The following TJP3 variants were observed in gnomAD, a reference collection of about 807,000 sequenced individuals.
TJP3 encodes tight junction protein 3, also known as tight junction protein ZO-3.
TJP3 carries 85 observed loss-of-function variants against 104.2 expected under a neutral mutation model. The observed-to-expected ratio is 0.82, with a 90% CI of 0.68 to 0.98. The LOEUF is 0.98. Ranked by LOEUF, TJP3 falls within the 50% of genes least tolerant of loss-of-function variation. TJP3 has a pLI of 0.00. For missense variants in TJP3, 1,367 were observed against 1,322.8 expected (o/e 1.03, Z -0.52); for synonymous variants, 550 against 550.6 (o/e 1.00, Z 0.02).
chr19:3,744,910 AGAGG>A (rs1176733376), intron 15 of TJP3, among the ~76,000 whole-genome samples: 2 of 152,072 alleles, frequency 1.3e-5, no homozygotes, highest in African/African-American at 4.8e-5. Context: ...CCTGGGTGAC[AGAGG>A]GAGACCCTGT....
chr19:3,731,987 G>A lies in TJP3; in HGVS notation c.666G>A (p.Ser222=), dbSNP rs1879040. Residue 222 remains serine (S), a synonymous_variant, in exon 6 of 21, where the codon TCG becomes TCA. Transcript: ENST00000541714. ...SQIFIKHITD[S]GLAARHRGLQ... ...TCTTCATCAAGCACATTACAGATTCGGGCCTGGCTGCCCGGCACCGTGGGC... is the reference window on the plus strand; with the variant it reads ...TCTTCATCAAGCACATTACAGATTCAGGCCTGGCTGCCCGGCACCGTGGGC... 0.34 allele frequency: 554,263 copies of A among 1,612,050 alleles called. 96,602 individuals are homozygous for A. The highest frequency in any genetic ancestry group is 0.4 in the South Asian group (36,199 of 90,842).
rs1043019616 is a variant in TJP3 at position 3,728,795 on chromosome 19, G to A, written c.158+82G>A. On this transcript the variant is annotated intron_variant, in intron 3 of 20. Transcript: ENST00000541714. ...AGGCCAGGCACAGTGACTCACACCC[G>A]TCATCCCAGCACTTTGCGAGGCTGA... 37 of 1,453,986 alleles carry A rather than the reference G, an allele frequency of 2.5e-5. No homozygotes were observed. In the Admixed American group the frequency reaches 2.9e-4, roughly 11 times the overall value. 90.1% of individuals were successfully genotyped at this position (1,453,986 alleles called of 1,614,324 possible). A position where few individuals can be genotyped will look rare whatever the true frequency, so the allele number is the denominator to read the frequency against.
Position 3,730,243 on chromosome 19 carries a change from G to A in TJP3, c.262-112G>A. 6.7e-7 allele frequency: 1 copy of A among 1,491,576 alleles called. No homozygotes were observed. Among genetic ancestry groups the A allele is most frequent in the Non-Finnish European group, 9.2e-7 (1 of 1,086,362 alleles). 92.4% of individuals were successfully genotyped at this position (1,491,576 alleles called of 1,614,324 possible). A position where few individuals can be genotyped will look rare whatever the true frequency, so the allele number is the denominator to read the frequency against. On this transcript the variant is annotated intron_variant, in intron 4 of 20. Transcript: ENST00000541714. The surrounding 1 kb of genome is among the most constrained non-coding windows in gnomAD (Gnocchi z 7.3). ...GAGTCATCTTCTCATCTTACAGTTT[G>A]GACATTGAGGCCCAGAGAGAGACTG...
Position 3,746,669 on chromosome 19 carries a change from G to A in TJP3, c.2195G>A (p.Arg732Gln), listed in dbSNP as rs746198935. Reference sequence around the variant, plus strand: ...CTCTACGCACAAGCCCAGAAGCTGCGAAAACACAGCAGCCACCTCTTCACA... The same window carrying A: ...CTCTACGCACAAGCCCAGAAGCTGCAAAAACACAGCAGCCACCTCTTCACA... Reference protein sequence around the residue: ...RRLYAQAQKLRKHSSHLFTAT... With the variant: ...RRLYAQAQKLQKHSSHLFTAT... The change falls in exon 17 of 21, where the codon CGA (arginine) becomes CAA (glutamine). Residue 732 changes from arginine (R) to glutamine (Q), a missense_variant. Transcript: ENST00000541714. This position sits in a 1 kb window ranked among gnomAD's most constrained non-coding sequence, Gnocchi z 4.1. The A allele has an allele frequency of 1.7e-4, 272 of 1,612,742 alleles. No individual in the cohort carries two copies. The highest frequency in any genetic ancestry group is 2.1e-4 in the Non-Finnish European group (250 of 1,179,590).
chr19:3,746,714 C>T lies in TJP3; in HGVS notation c.2221+19C>T. ...TTCACAGGTTGGGGGGTGGGTGTCC[C>T]AGGGTAGGCGGGTGGGCCCCAGCCT... On this transcript the variant is annotated intron_variant, in intron 17 of 20. Transcript: ENST00000541714. The surrounding 1 kb of genome is among the most constrained non-coding windows in gnomAD (Gnocchi z 4.1). 1 of 1,604,316 alleles carries T rather than the reference C, an allele frequency of 6.2e-7. No homozygotes were observed. The highest frequency in any genetic ancestry group is 8.5e-7 in the Non-Finnish European group (1 of 1,175,494).
Position 3,746,064 on chromosome 19 carries a change from C to T in TJP3, c.1993C>T (p.Arg665Trp), listed in dbSNP as rs781231267. ...PSKIIKLDTV[R>W]VIAEKDKHAL... ...CAAGATCATCAAACTAGACACCGTGCGGGTGATTGCAGAAAAAGTAAGCCG... is the reference window on the plus strand; with the variant it reads ...CAAGATCATCAAACTAGACACCGTGTGGGTGATTGCAGAAAAAGTAAGCCG... The change falls in exon 16 of 21, where the codon CGG becomes TGG. Residue 665 changes from arginine (R) to tryptophan (W), a missense_variant. Arg to Trp is a moderately radical substitution (Grantham distance 101, BLOSUM62 -3). Coordinates refer to ENST00000541714, the MANE Select transcript of TJP3 (RefSeq NM_001267560.2). The surrounding 1 kb of genome is among the most constrained non-coding windows in gnomAD (Gnocchi z 4.1). 18 of 1,609,264 alleles carry T rather than the reference C, an allele frequency of 1.1e-5. No individual in the cohort carries two copies. Among genetic ancestry groups the T allele is most frequent in the Non-Finnish European group, 1.4e-5 (17 of 1,177,690 alleles).
chr19:3,723,566 T>C (rs966001895), intron 1 of TJP3, among the ~76,000 whole-genome samples: 1 of 150,716 alleles, frequency 6.6e-6, no homozygotes, highest in East Asian at 1.9e-4. Context: ...CTGAGGGAGG[T>C]GGATCACCTG....
intron 3 of TJP3, among the ~76,000 whole-genome samples, chr19:3,729,033 A>G (rs544553811): frequency 6.6e-6 from 1 of 152,270 alleles, no homozygotes; most frequent in African/African-American, 2.4e-5. Flanking sequence ...AGCCTGGGTG[A>G]CAGAGTGAGA....
chr19:3,745,506 C>T (rs1346140476), intron 15 of TJP3, among the ~76,000 whole-genome samples: 5 of 152,160 alleles, frequency 3.3e-5, no homozygotes, highest in Non-Finnish European at 1.5e-5. Flanking sequence ...CCTCCTTGAA[C>T]CCCTCCATGC....
Position 3,739,079 on chromosome 19 carries a change from C to A in TJP3, c.1576C>A (p.Arg526Ser), listed in dbSNP as rs138219655. Residue 526 changes from arginine (R) to serine (S), a missense_variant, in exon 13 of 21, where the codon CGC (arginine) becomes AGC (serine). Transcript: ENST00000541714. Reference protein sequence around the residue: ...HARGGHWLAVRMGRDLREQER... With the variant: ...HARGGHWLAVSMGRDLREQER... Reference sequence around the variant, plus strand: ...ACGAGGAGGCCACTGGCTGGCGGTGCGCATGGGTCGTGACCTGCGGGAGCA... The same window carrying A: ...ACGAGGAGGCCACTGGCTGGCGGTGAGCATGGGTCGTGACCTGCGGGAGCA... 1.2e-6 allele frequency: 2 copies of A among 1,603,772 alleles called. No individual in the cohort carries two copies. The highest frequency in any genetic ancestry group is 2.2e-5 in the South Asian group (2 of 90,158).
chr19:3,722,970 G>A (rs898068618), intron 1 of TJP3, among the ~76,000 whole-genome samples: 3 of 139,156 alleles, frequency 2.2e-5, no homozygotes, highest in African/African-American at 5.4e-5. Flanking sequence ...TTTGTGTCCA[G>A]CCCTGGGCGG....
rs1444489086 is a variant in TJP3 at position 3,740,519 on chromosome 19, CCA to C, written c.1632-32_1632-31del. ...CTTTGGGGCCACCATGCTGCTGACCCCAGTGCTCAGTACTGTCCCCTCTTCTC... is the reference window on the plus strand; with the variant it reads ...CTTTGGGGCCACCATGCTGCTGACCCGTGCTCAGTACTGTCCCCTCTTCTC... On this transcript the variant is annotated intron_variant, in intron 13 of 20. Coordinates refer to ENST00000541714, the MANE Select transcript of TJP3 (RefSeq NM_001267560.2). 9 of 1,317,856 alleles carry C rather than the reference CCA, an allele frequency of 6.8e-6. No homozygotes were observed. In the Admixed American group the frequency reaches 2.5e-4, roughly 37 times the overall value. 81.6% of individuals were successfully genotyped at this position (1,317,856 alleles called of 1,614,324 possible).
chr19:3,709,170 C>A (rs926706925), intron 1 of TJP3, among the ~76,000 whole-genome samples: 2 of 151,984 alleles, frequency 1.3e-5, no homozygotes, highest in African/African-American at 4.8e-5. Flanking sequence ...GGCTGGAGTG[C>A]AGTGGTGCGA....
chr19:3,734,465 A>T, intron 8 of TJP3, 30 bp downstream of exon 8: 1 of 1,565,502 alleles, frequency 6.4e-7, no homozygotes, highest in East Asian at 2.3e-5. Context: ...CAGAATGGTG[A>T]TAGGGAGGGA....
rs746465166 is a variant in TJP3 at position 3,747,902 on chromosome 19, G to T, written c.2431G>T (p.Gly811Cys). 1 of 1,613,192 alleles carries T rather than the reference G, an allele frequency of 6.2e-7. No homozygotes were observed. The highest frequency in any genetic ancestry group is 1.1e-5 in the South Asian group (1 of 91,064). Reference sequence around the variant, plus strand: ...CGTTAACAGCGACTACGAGACGGACGGCGAGGGCGGCGCGTACACGGATGG... The same window carrying T: ...CGTTAACAGCGACTACGAGACGGACTGCGAGGGCGGCGCGTACACGGATGG... The part of the protein sequence containing the change: ...SRVNSDYETD[G>C]EGGAYTDGEG... The change falls in exon 19 of 21, where the codon GGC (glycine) becomes TGC (cysteine). Residue 811 changes from glycine to cysteine, a missense_variant. Physicochemically the swap from Gly to Cys is radical, Grantham distance 159. Coordinates refer to ENST00000541714, the MANE Select transcript of TJP3 (RefSeq NM_001267560.2).
intron 1 of TJP3, among the ~76,000 whole-genome samples, chr19:3,727,255 G>C (rs902042495): frequency 6.6e-6 from 1 of 151,916 alleles, no homozygotes; most frequent in Non-Finnish European, 1.5e-5. Flanking sequence ...AGGCCAAGGG[G>C]GTGGATCACA....
chr19:3,742,338 T>C (rs989075282), intron 14 of TJP3, among the ~76,000 whole-genome samples: 10 of 151,384 alleles, frequency 6.6e-5, no homozygotes, highest in African/African-American at 2.4e-4. Flanking sequence ...CAGGCTGAGG[T>C]GGGAGGATCC....
chr19:3,710,000 T>C (rs968367883), intron 1 of TJP3, among the ~76,000 whole-genome samples: 2 of 151,792 alleles, frequency 1.3e-5, no homozygotes, highest in African/African-American at 4.8e-5. Flanking sequence ...ATACAAAAAA[T>C]GAGCCGAATA....
At chr19:3,738,707 A>G in intron 12 of TJP3, 44 bp downstream of exon 12, 3 of 1,550,308 alleles carry the variant, frequency 1.9e-6, no homozygotes, top group Admixed American at 1.7e-5. Flanking sequence ...TTGCGGGGGG[A>G]GGACCTGGCT....
Sources: gnomAD v4.1 joint callset for allele counts (sites outside exome capture counted in the v4.1 genomes callset) on GRCh38, gnomAD v4.1.1 for gene constraint, Gnocchi (gnomAD v3.1) non-coding constraint, MANE v1.5 for transcripts, NCBI Gene and HGNC (gene_info 2026-07-23, HGNC 2026-07-21) for gene names.